The following MAPK10 variants were observed in gnomAD, a reference collection of about 807,000 sequenced individuals.
The protein encoded by MAPK10 is JNK3 alpha protein kinase.
A neutral mutation model predicts 59.3 loss-of-function variants in MAPK10; 25 were observed. That is an observed-to-expected ratio of 0.42 (90% confidence interval 0.31 to 0.59). MAPK10 has a LOEUF of 0.59. Ranked by LOEUF, MAPK10 falls within the 20% of genes least tolerant of loss-of-function variation. MAPK10 has a pLI of 0.15. For missense variants in MAPK10, 351 were observed against 568.9 expected, an observed-to-expected ratio of 0.62 and a Z score of 3.90; for synonymous variants, 190 against 200.5, an observed-to-expected ratio of 0.95 and a Z score of 0.44.
chr4:86,133,839 G>A (rs2061431678), intron 4 of MAPK10, among the ~76,000 whole-genome samples: 2 of 152,198 alleles, frequency 1.3e-5, no homozygotes, highest in South Asian at 4.1e-4. Flanking sequence ...ATCGTGGCTA[G>A]AGATTCTTTG....
intron 1 of MAPK10, among the ~76,000 whole-genome samples, chr4:86,486,094 T>G (rs1021011628): frequency 6.6e-6 from 1 of 152,178 alleles, no homozygotes; most frequent in African/African-American, 2.4e-5. Flanking sequence ...TAAAACTGAA[T>G]AGACACAGTC....
At chr4:86,113,783 C>T (rs1439804572) in intron 4 of MAPK10, among the ~76,000 whole-genome samples, 1 of 152,200 alleles carries the variant, frequency 6.6e-6, no homozygotes, top group Non-Finnish European at 1.5e-5. Context: ...GAGATGTTCT[C>T]CTGGATGATA....
intron 4 of MAPK10, among the ~76,000 whole-genome samples, chr4:86,110,906 A>G (rs1160362813): frequency 6.6e-6 from 1 of 151,978 alleles, no homozygotes; most frequent in Non-Finnish European, 1.5e-5. Context: ...GATTTCCTTG[A>G]GCAGTGGTTT....
At chr4:86,062,279 T>C (rs999703410) in intron 11 of MAPK10, among the ~76,000 whole-genome samples, 1 of 152,170 alleles carries the variant, frequency 6.6e-6, no homozygotes, top group African/African-American at 2.4e-5. Context: ...TATCAGATCC[T>C]TCCCCTAAAA....
At position 86,320,949 on chromosome 4, in the gene MAPK10, G is replaced by C. The variant is rs542855281; in HGVS notation, c.-7+33581C>G. ...GGACATGAACAGACACTTCTCAAAAGAAGACAATTATGCAGCCAAAAAACA... is the reference window on the plus strand; with the variant it reads ...GGACATGAACAGACACTTCTCAAAACAAGACAATTATGCAGCCAAAAAACA... On this transcript the variant is annotated intron_variant, in intron 2 of 13. Coordinates refer to ENST00000641462, the MANE Select transcript of MAPK10 (RefSeq NM_138982.4). Among the ~76,000 whole-genome samples, 3 of 148,622 alleles carry C rather than the reference G, an allele frequency of 2.0e-5. No individual in the cohort carries two copies. In the East Asian group the frequency reaches 6.0e-4, roughly 30 times the overall value.
At chr4:86,438,690 CAA>C (rs201802038) in intron 1 of MAPK10, among the ~76,000 whole-genome samples, 22 of 62,976 alleles carry the variant, frequency 3.5e-4, no homozygotes, top group Admixed American at 1.3e-3. Context: ...AACTCCATCT[CAA>C]AAAAAAAAAA....
intron 9 of MAPK10, among the ~76,000 whole-genome samples, chr4:86,079,254 T>A (rs575547137): frequency 6.6e-6 from 1 of 152,250 alleles, no homozygotes; most frequent in African/African-American, 2.4e-5. Context: ...GCTAGTGTTA[T>A]AATAAGGGAC....
intron 3 of MAPK10, among the ~76,000 whole-genome samples, chr4:86,170,217 C>T (rs928900852): frequency 2.0e-5 from 3 of 151,870 alleles, no homozygotes; most frequent in Non-Finnish European, 4.4e-5. Context: ...ACAATATTAA[C>T]TTTAAATGTA....
intron 2 of MAPK10, among the ~76,000 whole-genome samples, chr4:86,208,488 C>T (rs1385671450): frequency 6.7e-6 from 1 of 150,004 alleles, no homozygotes; most frequent in African/African-American, 2.5e-5. Flanking sequence ...AAGACAATAA[C>T]CACATGATTA....
chr4:86,488,436 T>C lies in MAPK10; in HGVS notation c.-263+105474A>G, dbSNP rs574984396. 9.2e-5 allele frequency among the ~76,000 whole-genome samples: 14 copies of C among 152,286 alleles called. No homozygotes were observed. The South Asian group carries it at 2.9e-3, about 32-fold the overall frequency. The stretch of plus-strand genomic sequence containing the variant: ...GTTTTATGAGTTGGATAATATCCCC[T>C]TACCCAATTTTCCCATCCAGATATT... On this transcript the variant is annotated intron_variant, in intron 1 of 4. Coordinates refer to the MAPK10 transcript ENST00000502302.
At chr4:86,445,642 A>G (rs879878449) in intron 1 of MAPK10, among the ~76,000 whole-genome samples, 2 of 152,202 alleles carry the variant, frequency 1.3e-5, no homozygotes, top group African/African-American at 4.8e-5. Flanking sequence ...GAGGGAAAAA[A>G]CACTTTACCT....
At chr4:86,074,753 C>G (rs201818214) in intron 9 of MAPK10, among the ~76,000 whole-genome samples, 2 of 125,892 alleles carry the variant, frequency 1.6e-5, no homozygotes, top group African/African-American at 3.3e-5. Flanking sequence ...GGGTTTCTGC[C>G]GAGAGATCCG....
intron 1 of MAPK10, among the ~76,000 whole-genome samples, chr4:86,494,969 C>T (rs998522463): frequency 3.4e-5 from 5 of 149,014 alleles, no homozygotes; most frequent in African/African-American, 7.5e-5. Context: ...TTGGATAACC[C>T]GAGCTTATTT....
intron 2 of MAPK10, among the ~76,000 whole-genome samples, chr4:86,257,069 A>G (rs2093774700): frequency 6.6e-6 from 1 of 152,128 alleles, no homozygotes; most frequent in African/African-American, 2.4e-5. Flanking sequence ...TGCTATCTCA[A>G]TTCCTCTGTC....
chr4:86,076,047 T>C (rs1467453950), intron 9 of MAPK10, among the ~76,000 whole-genome samples: 5 of 152,002 alleles, frequency 3.3e-5, no homozygotes, highest in Admixed American at 6.6e-5. Context: ...ATCAGCGAGA[T>C]TCCGTGGGCG....
chr4:86,242,113 T>C (rs2092762432), intron 2 of MAPK10, among the ~76,000 whole-genome samples: 1 of 152,040 alleles, frequency 6.6e-6, no homozygotes, highest in Admixed American at 6.5e-5. Flanking sequence ...CCCTCTTCTA[T>C]AGGGCTCCTG....
intron 2 of MAPK10, among the ~76,000 whole-genome samples, chr4:86,240,670 TTA>T (rs1166704869): frequency 8.6e-5 from 13 of 150,876 alleles, no homozygotes; most frequent in African/African-American, 2.2e-4. Context: ...CCGTGCCTTT[TTA>T]TTTTTTTCCA....
chr4:86,205,161 T>TA (rs368785820), intron 2 of MAPK10, among the ~76,000 whole-genome samples: 6 of 151,948 alleles, frequency 3.9e-5, no homozygotes, highest in Admixed American at 1.3e-4. Context: ...CCCTACCACA[T>TA]AAAAAAATAT....
At chr4:86,489,722 T>C (rs1440978106) in intron 1 of MAPK10, among the ~76,000 whole-genome samples, 11 of 152,198 alleles carry the variant, frequency 7.2e-5, no homozygotes, top group Admixed American at 7.2e-4. Flanking sequence ...TCTTCTCAAA[T>C]GTACCCAGGC....
Sources: allele counts gnomAD v4.1 joint callset (sites outside exome capture counted in the v4.1 genomes callset), GRCh38; gene constraint gnomAD v4.1.1; transcripts MANE v1.5; gene names NCBI Gene and HGNC (gene_info 2026-07-23, HGNC 2026-07-21).